The following COL24A1 variants were observed in gnomAD, a reference collection of about 807,000 sequenced individuals.
COL24A1 encodes collagen alpha-1(XXIV) chain.
COL24A1 carries 224 observed loss-of-function variants against 253.9 expected under a neutral mutation model. The ratio of observed to expected loss-of-function variants is 0.88; its 90% CI spans 0.79 to 0.99. The LOEUF is 0.99. Ranked by LOEUF, COL24A1 falls within the 50% of genes least tolerant of loss-of-function variation. The pLI, the probability that COL24A1 is intolerant of heterozygous loss-of-function variation, is 0.00. For missense variants in COL24A1, 2,131 were observed against 2,068.5 expected (o/e 1.03, Z -0.59); for synonymous variants, 685 against 673.7 (o/e 1.02, Z -0.26).
At chr1:85,863,347 C>T (rs1679385824) in intron 37 of COL24A1, among the ~76,000 whole-genome samples, 1 of 152,114 alleles carries the variant, frequency 6.6e-6, no homozygotes, top group East Asian at 1.9e-4. Context: ...GAACTTCCAA[C>T]ACTATGTTGA....
At chr1:86,152,305 G>C (rs976749195) in intron 1 of COL24A1, among the ~76,000 whole-genome samples, 1 of 152,144 alleles carries the variant, frequency 6.6e-6, no homozygotes, top group African/African-American at 2.4e-5. Flanking sequence ...GAAAGGTTTT[G>C]AGGGCTGAAA....
intron 47 of COL24A1, among the ~76,000 whole-genome samples, chr1:85,804,293 A>C (rs1253943878): frequency 1.3e-5 from 2 of 152,230 alleles, no homozygotes; most frequent in African/African-American, 4.8e-5. Context: ...TGATACGTTC[A>C]ACAAATCAAT....
chr1:85,895,972 A>T, intron 30 of COL24A1, 49 bp downstream of exon 30: 1 of 1,598,888 alleles, frequency 6.3e-7, no homozygotes, highest in South Asian at 1.1e-5. Flanking sequence ...AAGAAAAACA[A>T]AAAAGACTTA....
intron 12 of COL24A1, among the ~76,000 whole-genome samples, chr1:86,038,562 C>T (rs183914958): frequency 2.3e-4 from 35 of 152,188 alleles, no homozygotes; most frequent in Non-Finnish European, 4.0e-4. Context: ...CTTTGATTCC[C>T]GGTATTCATG....
intron 20 of COL24A1, among the ~76,000 whole-genome samples, chr1:85,986,273 C>T (rs560724977): frequency 1.6e-4 from 24 of 151,862 alleles, no homozygotes; most frequent in Admixed American, 3.3e-4. Context: ...CCATGAGAGG[C>T]AGCCAATATC....
chr1:86,008,730 T>A (rs1696207636), intron 19 of COL24A1, among the ~76,000 whole-genome samples: 1 of 152,024 alleles, frequency 6.6e-6, no homozygotes, highest in Admixed American at 6.6e-5. Flanking sequence ...CATGATAGCA[T>A]GTCTAGAAAA....
intron 1 of COL24A1, among the ~76,000 whole-genome samples, chr1:86,147,036 G>A (rs1035649869): frequency 7.9e-5 from 12 of 152,034 alleles, no homozygotes; most frequent in Admixed American, 6.6e-5. Flanking sequence ...TATAGACCCT[G>A]ATTCTGTTTT....
chr1:85,945,207 T>C (rs1235103291), intron 24 of COL24A1, among the ~76,000 whole-genome samples: 2 of 150,902 alleles, frequency 1.3e-5, no homozygotes, highest in Non-Finnish European at 3.0e-5. Context: ...TTAGTAGAGA[T>C]GGGGTTTCAC....
chr1:86,033,625 C>T (rs919368209), intron 13 of COL24A1, among the ~76,000 whole-genome samples: 23 of 151,892 alleles, frequency 1.5e-4, no homozygotes, highest in African/African-American at 5.3e-4. Flanking sequence ...TAATATTTTA[C>T]TTAAGCAGTT....
At position 85,733,988 on chromosome 1, in the gene COL24A1, C is replaced by T. The variant is rs112527706; in HGVS notation, c.4998+761G>A. On this transcript the variant is annotated intron_variant, in intron 59 of 59. Coordinates refer to ENST00000370571, the MANE Select transcript of COL24A1 (RefSeq NM_152890.7). The stretch of plus-strand genomic sequence containing the variant: ...TGCGATCTTGGCTCACTGCAACCTC[C>T]GCTTCCTGGGTTCAAGTGATTCTCC... 3.3e-3 allele frequency among the ~76,000 whole-genome samples: 501 copies of T among 151,454 alleles called. 3 individuals carry two copies. Among genetic ancestry groups the T allele is most frequent in the African/African-American group, 0.011 (467 of 41,252 alleles).
At chr1:86,034,373 CTTCAT>C (rs894371316) in intron 12 of COL24A1, among the ~76,000 whole-genome samples, 1 of 152,124 alleles carries the variant, frequency 6.6e-6, no homozygotes, top group Non-Finnish European at 1.5e-5. Flanking sequence ...TATATACACA[CTTCAT>C]TTCATCTTCA....
intron 19 of COL24A1, 101 bp downstream of exon 19, chr1:86,017,050 A>G: frequency 9.2e-7 from 1 of 1,087,726 alleles, no homozygotes; most frequent in Non-Finnish European, 1.3e-6. Context: ...AACTTTAAAG[A>G]GGATCTTTCT....
chr1:85,948,104 G>T (rs1272215995), intron 24 of COL24A1, among the ~76,000 whole-genome samples: 3 of 152,228 alleles, frequency 2.0e-5, no homozygotes, highest in Non-Finnish European at 4.4e-5. Flanking sequence ...TTCTTACTTT[G>T]TAAGGGATAG....
intron 11 of COL24A1, among the ~76,000 whole-genome samples, chr1:86,047,095 A>G (rs17128776): frequency 0.011 from 1,736 of 152,304 alleles, 30 homozygotes; most frequent in African/African-American, 0.04. Context: ...TATCCCATCT[A>G]TACTTCCAAA....
At chr1:85,748,500 G>A (rs556920380) in intron 55 of COL24A1, among the ~76,000 whole-genome samples, 26 of 152,332 alleles carry the variant, frequency 1.7e-4, no homozygotes, top group African/African-American at 5.1e-4. Flanking sequence ...ATAAAACCAT[G>A]TCTTTAGAAC....
intron 19 of COL24A1, among the ~76,000 whole-genome samples, chr1:86,002,235 A>C (rs1695492710): frequency 6.6e-6 from 1 of 152,222 alleles, no homozygotes; most frequent in African/African-American, 2.4e-5. Flanking sequence ...TAGTGCCACC[A>C]TTAAAAACCT....
At position 85,799,365 on chromosome 1, in the gene COL24A1, C is replaced by A. The variant is rs143781304; in HGVS notation, c.3952-12904G>T. On this transcript the variant is annotated intron_variant, in intron 47 of 59. Coordinates refer to ENST00000370571, the MANE Select transcript of COL24A1 (RefSeq NM_152890.7). ...TCTTTAAAGGTAAGCCAAGGAACAC[C>A]ATGGTGCCATGACTAAAAAAAAAAA... Among the ~76,000 whole-genome samples, 3 of 120,720 alleles carry A rather than the reference C, an allele frequency of 2.5e-5. No individual in the cohort carries two copies. The East Asian group carries it at 7.0e-4, about 28-fold the overall frequency. 79.2% of individuals were successfully genotyped at this position (120,720 alleles called of 152,430 possible).
intron 35 of COL24A1, among the ~76,000 whole-genome samples, chr1:85,873,291 G>A (rs1310264920): frequency 1.3e-5 from 2 of 151,892 alleles, no homozygotes; most frequent in Non-Finnish European, 2.9e-5. Context: ...GATTCCTCAA[G>A]GATCTAGAAT....
chr1:85,868,522 A>G lies in COL24A1; in HGVS notation c.3297T>C (p.Leu1099=). Residue 1099 remains leucine (L), a synonymous_variant, in exon 37 of 60, where the codon CTT becomes CTC. Transcript: ENST00000370571. ...GPLGRSGQTG[L]PGPEGIVGIP... is the part of the protein sequence containing the mutation. ...AAGTGAACCCAGCAGTACTTACCGG[A>G]AGGCCTGTTTGGCCTGATCTACCCA... The G allele has an allele frequency of 1.9e-6, 3 of 1,611,214 alleles. No homozygotes were observed. Among genetic ancestry groups the G allele is most frequent in the Non-Finnish European group, 2.5e-6 (3 of 1,177,492 alleles).
Sources: allele counts gnomAD v4.1 joint callset (sites outside exome capture counted in the v4.1 genomes callset), GRCh38; gene constraint gnomAD v4.1.1; transcripts MANE v1.5; gene names NCBI Gene and HGNC (gene_info 2026-07-23, HGNC 2026-07-21).